Variants in RNF111 observed in about 807,000 individuals in gnomAD.
The protein encoded by RNF111 is E3 ubiquitin-protein ligase Arkadia.
Under a neutral mutation model 95.1 loss-of-function variants are expected in RNF111, and 17 were observed. The observed-to-expected ratio is 0.18, with a 90% CI of 0.12 to 0.27. The LOEUF (loss-of-function observed/expected upper bound fraction) is 0.27, where lower values mean the gene tolerates loss of function less well. Among genes scored for constraint, RNF111 ranks in the 10% least tolerant of loss-of-function variants. The pLI is 1.00. For missense variants in RNF111, 1,189 were observed against 1,210.4 expected (o/e 0.98, Z 0.26); for synonymous variants, 440 against 414.8 (o/e 1.06, Z -0.74).
At chr15:58,999,934 C>T (rs1402542032) in intron 1 of RNF111, among the ~76,000 whole-genome samples, 1 of 152,042 alleles carries the variant, frequency 6.6e-6, no homozygotes, top group Non-Finnish European at 1.5e-5. Context: ...AAAACCACAT[C>T]TCATGAGAAC....
chr15:59,045,390 C>T (rs990984558), intron 2 of RNF111, among the ~76,000 whole-genome samples: 3 of 151,982 alleles, frequency 2.0e-5, no homozygotes, highest in Non-Finnish European at 4.4e-5. Flanking sequence ...GGGGTTTTAC[C>T]ATGTTGGCCA....
At chr15:59,087,949 T>C (rs2078944228) in intron 10 of RNF111, among the ~76,000 whole-genome samples, 1 of 152,196 alleles carries the variant, frequency 6.6e-6, no homozygotes, top group African/African-American at 2.4e-5. Flanking sequence ...ATGGGGCACC[T>C]CTTAGATTAC....
chr15:58,991,615 C>A (rs181925597), intron 1 of RNF111, among the ~76,000 whole-genome samples: 43 of 152,256 alleles, frequency 2.8e-4, no homozygotes, highest in African/African-American at 8.9e-4. Context: ...CCTGTGACTT[C>A]AATGACTAGA....
intron 1 of RNF111, among the ~76,000 whole-genome samples, chr15:59,017,057 G>T (rs1003942469): frequency 9.2e-5 from 14 of 151,728 alleles, no homozygotes; most frequent in African/African-American, 2.9e-4. Flanking sequence ...ATATTACGGT[G>T]AATTGTATAA....
At chr15:58,992,904 A>T (rs926733863) in intron 1 of RNF111, among the ~76,000 whole-genome samples, 2 of 152,050 alleles carry the variant, frequency 1.3e-5, no homozygotes, top group Admixed American at 6.6e-5. Flanking sequence ...GGTGGTGCAC[A>T]CCTGTAGTAA....
intron 1 of RNF111, among the ~76,000 whole-genome samples, chr15:58,991,267 G>C (rs1379303643): frequency 5.3e-5 from 8 of 151,966 alleles, no homozygotes; most frequent in Non-Finnish European, 1.0e-4. Context: ...TCCAGCCTGG[G>C]TGACAGAGCA....
rs993289890 is a variant in RNF111 at position 59,081,332 on chromosome 15, A to C, written c.2297+48A>C. 4 of 1,488,692 alleles carry C rather than the reference A, an allele frequency of 2.7e-6. No homozygotes were observed. In the East Asian group the frequency reaches 7.0e-5, roughly 26 times the overall value. The allele number at this position is 1,488,692 out of a possible 1,614,324, so 92.2% of individuals were successfully genotyped here. ...GAAAGTCAAGTTTGCTTTTTCTTCT[A>C]CTTCCATTGGTCTTTACAACTCTGA... is the stretch of plus-strand genomic sequence containing the variant. On this transcript the variant is annotated intron_variant, in intron 8 of 13. Transcript: ENST00000348370.
At chr15:59,042,751 T>C (rs1357030120) in intron 2 of RNF111, among the ~76,000 whole-genome samples, 1 of 152,216 alleles carries the variant, frequency 6.6e-6, no homozygotes, top group East Asian at 1.9e-4. Context: ...TTTGGGCCTG[T>C]TTATGGAGTT....
chr15:58,987,762 G>A lies in RNF111; in HGVS notation c.-326G>A, dbSNP rs1276231304. The A allele has an allele frequency of 8.0e-5, 14 of 175,630 alleles. No individual in the cohort carries two copies. Among genetic ancestry groups the A allele is most frequent in the Admixed American group, 5.2e-4 (8 of 15,518 alleles). 10.9% of individuals were successfully genotyped at this position (175,630 alleles called of 1,614,324 possible). A position where few individuals can be genotyped will look rare whatever the true frequency, so the allele number is the denominator to read the frequency against. The stretch of plus-strand genomic sequence containing the variant: ...GGGAGCAGCGGCAGTGGCGGCGACG[G>A]CGAGGAGGTGTTCGGTTTGCGCAGC... On this transcript the variant is annotated 5_prime_UTR_variant, in exon 1 of 14. Coordinates refer to ENST00000348370, the MANE Select transcript of RNF111 (RefSeq NM_017610.8).
chr15:59,051,874 T>G (rs1259631568), intron 2 of RNF111, among the ~76,000 whole-genome samples: 1 of 152,044 alleles, frequency 6.6e-6, no homozygotes, highest in Non-Finnish European at 1.5e-5. Context: ...TTTAAAAGAA[T>G]ATATCACCTA....
At chr15:59,071,764 A>C (rs190866827) in intron 6 of RNF111, among the ~76,000 whole-genome samples, 36 of 152,152 alleles carry the variant, frequency 2.4e-4, no homozygotes, top group African/African-American at 8.4e-4. Flanking sequence ...CCTCTGGTTT[A>C]TTTCCCAACT....
chr15:59,085,701 A>G lies in RNF111; in HGVS notation c.2466A>G (p.Thr822=). 1 of 1,613,586 alleles carries G rather than the reference A, an allele frequency of 6.2e-7. No homozygotes were observed. Among genetic ancestry groups the G allele is most frequent in the Non-Finnish European group, 8.5e-7 (1 of 1,179,674 alleles). The change falls in exon 10 of 14, where the codon ACA becomes ACG. Residue 822 remains threonine (T), a synonymous_variant. Coordinates refer to ENST00000348370, the MANE Select transcript of RNF111 (RefSeq NM_017610.8). ...IEAGVTAATY[T]PGALHPHLAH... ...CTGGAGTGACTGCAGCTACTTATAC[A>G]CCTGGTGCATTGCATCCTCACTTGG...
intron 1 of RNF111, among the ~76,000 whole-genome samples, chr15:59,005,509 A>G (rs947923212): frequency 1.8e-4 from 27 of 152,134 alleles, no homozygotes; most frequent in African/African-American, 5.6e-4. Flanking sequence ...CATCTTTTTA[A>G]TTTAGTTTTC....
chr15:59,030,649 G>A lies in RNF111; in HGVS notation c.-19-155G>A, dbSNP rs74478572. Among the ~76,000 whole-genome samples the A allele has an allele frequency of 5.1e-4, 77 of 152,096 alleles. 2 individuals carry two copies. The East Asian group carries it at 0.014, about 29-fold the overall frequency. The stretch of plus-strand genomic sequence containing the variant: ...CAGAGAAAAACGTTTTATAAGAATA[G>A]TAAAATAATTCATAACAGACATTTT... On this transcript the variant is annotated intron_variant, in intron 1 of 13. Transcript: ENST00000348370.
chr15:59,044,279 C>T (rs1390553984), intron 2 of RNF111, among the ~76,000 whole-genome samples: 2 of 152,194 alleles, frequency 1.3e-5, no homozygotes, highest in Non-Finnish European at 2.9e-5. Flanking sequence ...GATCCATCTG[C>T]CTTGGCCTCC....
At chr15:59,078,174 T>A (rs1187513363) in intron 7 of RNF111, among the ~76,000 whole-genome samples, 1 of 152,202 alleles carries the variant, frequency 6.6e-6, no homozygotes, top group African/African-American at 2.4e-5. Context: ...GAATAATTCC[T>A]ATTGGCTATA....
At chr15:59,032,872 C>T (rs1262870404) in intron 2 of RNF111, among the ~76,000 whole-genome samples, 1 of 152,142 alleles carries the variant, frequency 6.6e-6, no homozygotes, top group Non-Finnish European at 1.5e-5. Context: ...CCTGTGTGCT[C>T]TTGCTCATGC....
chr15:59,046,801 A>G (rs1219325285), intron 2 of RNF111, among the ~76,000 whole-genome samples: 1 of 152,196 alleles, frequency 6.6e-6, no homozygotes, highest in Non-Finnish European at 1.5e-5. Context: ...GACTGGGAGA[A>G]AATATTTGCA....
At chr15:59,006,161 C>T (rs2039531467) in intron 1 of RNF111, among the ~76,000 whole-genome samples, 1 of 152,112 alleles carries the variant, frequency 6.6e-6, no homozygotes, top group Non-Finnish European at 1.5e-5. Context: ...CTGTGTATTC[C>T]AGATTTTATA....
Sources: gnomAD v4.1 joint callset for allele counts (sites outside exome capture counted in the v4.1 genomes callset) on GRCh38, gnomAD v4.1.1 for gene constraint, MANE v1.5 for transcripts, NCBI Gene and HGNC (gene_info 2026-07-23, HGNC 2026-07-21) for gene names.